Variants in ACTR3B observed in about 807,000 individuals in gnomAD.
ACTR3B encodes the protein actin related protein 3B, also known as actin-related protein 3B.
Under a neutral mutation model 59.0 loss-of-function variants are expected in ACTR3B, and 8 were observed. That is an observed-to-expected ratio of 0.14 (90% CI 0.08 to 0.24). The LOEUF is 0.24. Among genes scored for constraint, ACTR3B ranks in the 10% least tolerant of loss-of-function variants. ACTR3B has a pLI of 1.00. For synonymous variants in ACTR3B, 148 were observed against 197.9 expected (o/e 0.75, Z 2.12); for missense variants, 245 against 552.3 (o/e 0.44, Z 5.58).
At chr7:152,788,189 C>G (rs2098181002) in intron 2 of ACTR3B, among the ~76,000 whole-genome samples, 2 of 151,658 alleles carry the variant, frequency 1.3e-5, no homozygotes, top group African/African-American at 4.8e-5. Flanking sequence ...AACTCCTGAC[C>G]TCATGATCCT....
At chr7:152,788,824 C>G (rs1329008686) in intron 2 of ACTR3B, among the ~76,000 whole-genome samples, 2 of 152,082 alleles carry the variant, frequency 1.3e-5, no homozygotes, top group African/African-American at 4.8e-5. Flanking sequence ...GAGTTAGAGA[C>G]CAGCCCAGCC....
At chr7:152,832,358 A>G (rs1056393781) in intron 9 of ACTR3B, among the ~76,000 whole-genome samples, 1 of 152,146 alleles carries the variant, frequency 6.6e-6, no homozygotes, top group Non-Finnish European at 1.5e-5. Flanking sequence ...TTGAGGACCA[A>G]AGGTGTGCTC....
chr7:152,781,607 T>C (rs1432371703), intron 1 of ACTR3B, among the ~76,000 whole-genome samples: 1 of 152,198 alleles, frequency 6.6e-6, no homozygotes, highest in Non-Finnish European at 1.5e-5. Context: ...GATTTGATGA[T>C]TTTAGTGATT....
intron 9 of ACTR3B, among the ~76,000 whole-genome samples, chr7:152,828,949 T>C (rs1269832471): frequency 3.3e-5 from 5 of 152,102 alleles, no homozygotes; most frequent in Admixed American, 6.5e-5. Context: ...GGGGGTTTTT[T>C]CTCCTAGCTT....
chr7:152,811,351 C>T (rs975242844), intron 4 of ACTR3B: 2 of 148,316 alleles, frequency 1.3e-5, no homozygotes, highest in Non-Finnish European at 3.0e-5. Flanking sequence ...GTACTAATTA[C>T]CTGCACTTTA....
intron 4 of ACTR3B, among the ~76,000 whole-genome samples, chr7:152,805,514 A>T (rs550258891): frequency 6.6e-6 from 1 of 152,340 alleles, no homozygotes; most frequent in East Asian, 1.9e-4. Context: ...ACCTACGAAT[A>T]CATGATTATC....
intron 2 of ACTR3B, among the ~76,000 whole-genome samples, chr7:152,796,581 A>G (rs1299717302): frequency 1.4e-5 from 2 of 143,066 alleles, no homozygotes; most frequent in East Asian, 4.1e-4. Context: ...TCCTCAAGTC[A>G]GCTAACTAGT....
rs1389739656 is a variant in ACTR3B, at chr7:152,789,098, G to A, written c.100+5856G>A. Among the ~76,000 whole-genome samples, 9 of 151,398 alleles carry A rather than the reference G, an allele frequency of 5.9e-5. No homozygotes were observed. In the East Asian group the frequency reaches 1.5e-3, roughly 26 times the overall value. On this transcript the variant is annotated intron_variant, in intron 2 of 11. Coordinates refer to ENST00000256001, the MANE Select transcript of ACTR3B (RefSeq NM_020445.6). ...CAACAACAACAAAGCCCTTACACTC[G>A]TACACAGAGGGCTGGACACAGTGGC...
intron 1 of ACTR3B, among the ~76,000 whole-genome samples, chr7:152,776,616 T>TA (rs1194297670): frequency 2.0e-5 from 3 of 152,014 alleles, no homozygotes; most frequent in Admixed American, 1.3e-4. Context: ...AATAAGTAAA[T>TA]AAATCACTGC....
At chr7:152,849,140 A>G (rs6957153) in intron 9 of ACTR3B, among the ~76,000 whole-genome samples, 5 of 152,228 alleles carry the variant, frequency 3.3e-5, no homozygotes, top group South Asian at 4.1e-4. Flanking sequence ...AAACAAGTAC[A>G]TAGCAGTGAA....
intron 7 of ACTR3B, among the ~76,000 whole-genome samples, chr7:152,821,328 ATG>A (rs1381293253): frequency 6.6e-6 from 1 of 152,118 alleles, no homozygotes; most frequent in African/African-American, 2.4e-5. Context: ...TCTGTTAGAA[ATG>A]TAAGTCAGAA....
At chr7:152,822,484 C>T (rs2689594) in intron 7 of ACTR3B, among the ~76,000 whole-genome samples, 8 of 151,742 alleles carry the variant, frequency 5.3e-5, no homozygotes, top group African/African-American at 7.3e-5. Flanking sequence ...CGGTGCAGGG[C>T]GGGAATCGTT....
chr7:152,771,422 A>G (rs1451068936), intron 1 of ACTR3B, among the ~76,000 whole-genome samples: 5 of 152,244 alleles, frequency 3.3e-5, no homozygotes, highest in South Asian at 2.1e-4. Context: ...AAATCATTTC[A>G]GGAATTAAAA....
intron 4 of ACTR3B, chr7:152,811,462 C>T (rs902866036): frequency 2.2e-4 from 33 of 152,164 alleles, no homozygotes; most frequent in African/African-American, 7.9e-4. Context: ...ATCTCTTAAT[C>T]GGACTGGTAT....
intron 5 of ACTR3B, among the ~76,000 whole-genome samples, chr7:152,815,933 GT>G (rs1027540622): frequency 2.9e-4 from 43 of 147,818 alleles, no homozygotes; most frequent in African/African-American, 6.7e-4. Context: ...TAAAACTTTA[GT>G]TTTTTTTTTT....
At chr7:152,783,786 G>T (rs1299624543) in intron 2 of ACTR3B, among the ~76,000 whole-genome samples, 1 of 151,680 alleles carries the variant, frequency 6.6e-6, no homozygotes, top group Non-Finnish European at 1.5e-5. Flanking sequence ...AGGTTAGTCG[G>T]TTGTTAAAGG....
chr7:152,854,576 G>T lies in ACTR3B; in HGVS notation c.*23G>T, dbSNP rs1480197469. On this transcript the variant is annotated 3_prime_UTR_variant, in exon 12 of 12. Coordinates refer to ENST00000256001, the MANE Select transcript of ACTR3B (RefSeq NM_020445.6). This position sits in a 1 kb window ranked among gnomAD's most constrained non-coding sequence, Gnocchi z 4.9. ...TAGTGTCTGCCTGAACGCGTCGTTC[G>T]ATGGTGTCACGTTGGGGAACAAGTG... 2 of 1,608,408 alleles carry T rather than the reference G, an allele frequency of 1.2e-6. No homozygotes were observed. The highest frequency in any genetic ancestry group is 3.3e-5 in the Admixed American group (2 of 60,018).
chr7:152,797,829 G>T (rs1459522503), intron 2 of ACTR3B, among the ~76,000 whole-genome samples: 1 of 152,056 alleles, frequency 6.6e-6, no homozygotes, highest in Non-Finnish European at 1.5e-5. Flanking sequence ...TAGTGCCCTC[G>T]AGGTTCATCC....
At chr7:152,777,338 G>T (rs924035835) in intron 1 of ACTR3B, among the ~76,000 whole-genome samples, 6 of 151,620 alleles carry the variant, frequency 4.0e-5, no homozygotes, top group African/African-American at 1.5e-4. Flanking sequence ...AAACAAAACG[G>T]ACTCTTCCTG....
Sources: allele counts gnomAD v4.1 joint callset (sites outside exome capture counted in the v4.1 genomes callset), GRCh38; gene constraint gnomAD v4.1.1; non-coding constraint Gnocchi (gnomAD v3.1); transcripts MANE v1.5; gene names NCBI Gene and HGNC (gene_info 2026-07-23, HGNC 2026-07-21).